SEPTIN9: variants seen among roughly 807,000 people sequenced by gnomAD.
SEPTIN9 encodes the protein septin-9.
SEPTIN9 carries 13 observed loss-of-function variants against 56.6 expected under a neutral mutation model. The ratio of observed to expected loss-of-function variants is 0.23; its 90% CI spans 0.15 to 0.37. The LOEUF is 0.37. Ranked by LOEUF, SEPTIN9 falls within the 10% of genes least tolerant of loss-of-function variation. SEPTIN9 has a pLI of 1.00. For synonymous variants in SEPTIN9, 332 were observed against 334.1 expected (o/e 0.99, Z 0.07); for missense variants, 650 against 823.1 (o/e 0.79, Z 2.57).
At chr17:77,324,005 T>C (rs1422259427) in intron 2 of SEPTIN9, among the ~76,000 whole-genome samples, 1 of 152,238 alleles carries the variant, frequency 6.6e-6, no homozygotes, top group Non-Finnish European at 1.5e-5. Flanking sequence ...GGCCTGGTTC[T>C]TTCCGGAGGC....
chr17:77,351,962 G>C (rs1379130077), intron 2 of SEPTIN9, among the ~76,000 whole-genome samples: 1 of 152,212 alleles, frequency 6.6e-6, no homozygotes, highest in East Asian at 1.9e-4. Context: ...CCAGAGCCGG[G>C]GTGAGCATCT....
intron 3 of SEPTIN9, among the ~76,000 whole-genome samples, chr17:77,444,147 T>C (rs2037650207): frequency 6.6e-6 from 1 of 152,092 alleles, no homozygotes; most frequent in Non-Finnish European, 1.5e-5. Context: ...GTAGGCTCCT[T>C]AGACAGGAGT....
intron 1 of SEPTIN9, among the ~76,000 whole-genome samples, chr17:77,286,030 C>T (rs2143486036): frequency 6.6e-6 from 1 of 152,396 alleles, no homozygotes; most frequent in East Asian, 1.9e-4. Context: ...CGTCTCCGCG[C>T]CTGTTCTCGC....
At position 77,425,928 on chromosome 17, in the gene SEPTIN9, G is replaced by A. The variant is rs962151255; in HGVS notation, c.721+23225G>A. On this transcript the variant is annotated intron_variant, in intron 3 of 11. Coordinates refer to ENST00000427177, the MANE Select transcript of SEPTIN9 (RefSeq NM_001113491.2). This position sits in a 1 kb window ranked among gnomAD's most constrained non-coding sequence, Gnocchi z 4.2. ...GAGGAGAGGCTGCTGTGCCGGCCCC[G>A]CAGGGCCCTGTGCAGAGGGGAGTGT... 2.0e-5 allele frequency among the ~76,000 whole-genome samples: 3 copies of A among 152,326 alleles called. No homozygotes were observed. The highest frequency in any genetic ancestry group is 7.2e-5 in the African/African-American group (3 of 41,578).
Position 77,475,469 on chromosome 17 carries a change from T to C in SEPTIN9, c.722-6675T>C. On this transcript the variant is annotated intron_variant, in intron 3 of 11. Coordinates refer to ENST00000427177, the MANE Select transcript of SEPTIN9 (RefSeq NM_001113491.2). The surrounding 1 kb of genome is among the most constrained non-coding windows in gnomAD (Gnocchi z 4.6). Reference sequence around the variant, plus strand: ...ACTCACTCAGCTTTAAGAAGCCCCTTTGTGGGGGACAGGGAGCATCTGTTA... The same window carrying C: ...ACTCACTCAGCTTTAAGAAGCCCCTCTGTGGGGGACAGGGAGCATCTGTTA... The C allele has an allele frequency of 6.4e-7, 1 of 1,572,672 alleles. No individual in the cohort carries two copies. The highest frequency in any genetic ancestry group is 8.6e-7 in the Non-Finnish European group (1 of 1,161,522).
chr17:77,468,196 C>T (rs1038270910), intron 3 of SEPTIN9, among the ~76,000 whole-genome samples: 9 of 152,158 alleles, frequency 5.9e-5, no homozygotes, highest in African/African-American at 1.7e-4. Context: ...ACCCGGGAGG[C>T]AGAGCTTGCA....
chr17:77,316,682 G>A (rs2032719374), intron 2 of SEPTIN9, among the ~76,000 whole-genome samples: 1 of 151,722 alleles, frequency 6.6e-6, no homozygotes, highest in African/African-American at 2.4e-5. Flanking sequence ...CTCGAGTGAG[G>A]TTAATGGGTT....
chr17:77,454,120 G>C, intron 3 of SEPTIN9: 1 of 985,858 alleles, frequency 1.0e-6, no homozygotes, highest in Non-Finnish European at 1.2e-6. Context: ...TAAGCTGTGG[G>C]GGCTCCTCCC....
chr17:77,369,349 G>A lies in SEPTIN9; in HGVS notation c.77-32710G>A, dbSNP rs185555764. Among the ~76,000 whole-genome samples, 8 of 152,288 alleles carry A rather than the reference G, an allele frequency of 5.3e-5. No homozygotes were observed. Among genetic ancestry groups the A allele is most frequent in the East Asian group, 1.9e-4 (1 of 5,182 alleles). ...TTGCTTTTGCTGGCCCCAGGTGGCC[G>A]GTTGTTGACCGTTAACTGGCACACT... On this transcript the variant is annotated intron_variant, in intron 2 of 11. Transcript: ENST00000427177. This position sits in a 1 kb window ranked among gnomAD's most constrained non-coding sequence, Gnocchi z 4.9.
At chr17:77,294,270 A>G (rs190796280) in intron 1 of SEPTIN9, among the ~76,000 whole-genome samples, 1 of 152,070 alleles carries the variant, frequency 6.6e-6, no homozygotes, top group East Asian at 1.9e-4. Context: ...AACATAAAAA[A>G]TTAGCCAGGT....
chr17:77,386,966 C>T (rs2035358543), intron 2 of SEPTIN9, among the ~76,000 whole-genome samples: 2 of 152,214 alleles, frequency 1.3e-5, no homozygotes, highest in Admixed American at 6.5e-5. Flanking sequence ...ACCACACAGG[C>T]ACTGAAGGTT....
chr17:77,440,601 C>T (rs919569427), intron 3 of SEPTIN9, among the ~76,000 whole-genome samples: 4 of 152,244 alleles, frequency 2.6e-5, no homozygotes, highest in African/African-American at 7.2e-5. Context: ...GCGTCCCAAG[C>T]GGACAGCTGC....
At chr17:77,466,524 G>A in intron 3 of SEPTIN9, 1 of 985,444 alleles carries the variant, frequency 1.0e-6, no homozygotes, top group Non-Finnish European at 1.2e-6. Flanking sequence ...GGAAGAAGCG[G>A]GCATTTCTTC....
intron 3 of SEPTIN9, among the ~76,000 whole-genome samples, chr17:77,455,153 T>C (rs561918484): frequency 6.6e-6 from 1 of 152,190 alleles, no homozygotes; most frequent in African/African-American, 2.4e-5. Flanking sequence ...GCACTCCAGA[T>C]TTGTCACTTT....
intron 2 of SEPTIN9, among the ~76,000 whole-genome samples, chr17:77,377,392 T>A (rs76315667): frequency 2.0e-3 from 301 of 152,254 alleles, no homozygotes; most frequent in African/African-American, 6.8e-3. Flanking sequence ...AACTCGGGTC[T>A]TTGTGTAACA....
chr17:77,409,291 A>G (rs553280532), intron 3 of SEPTIN9, among the ~76,000 whole-genome samples: 1 of 57,826 alleles, frequency 1.7e-5, no homozygotes, highest in Non-Finnish European at 4.1e-5. Context: ...GGGAACAGGA[A>G]TCAATGCGGG....
At chr17:77,439,383 C>T (rs552961909) in intron 3 of SEPTIN9, among the ~76,000 whole-genome samples, 3 of 152,236 alleles carry the variant, frequency 2.0e-5, no homozygotes, top group Non-Finnish European at 4.4e-5. Context: ...CCCCAGGGAC[C>T]AGAGGACACT....
In SEPTIN9 at chr17:77,490,778, G is replaced by A. The variant is rs778222890; in HGVS notation, c.1299G>A (p.Leu433=). 20 of 1,590,252 alleles carry A rather than the reference G, an allele frequency of 1.3e-5. No individual in the cohort carries two copies. In the South Asian group the frequency reaches 2.1e-4, roughly 16 times the overall value. The change falls in exon 8 of 12, where the codon CTG becomes CTA. Residue 433 remains leucine (L), a synonymous_variant. Coordinates refer to ENST00000427177, the MANE Select transcript of SEPTIN9 (RefSeq NM_001113491.2). ...RPLDIEFMKR[L]SKVVNIVPVI... ...TGGACATCGAGTTTATGAAACGCCTGAGCAAGGTGGTCAACATCGTCCCTG... is the reference window on the plus strand; with the variant it reads ...TGGACATCGAGTTTATGAAACGCCTAAGCAAGGTGGTCAACATCGTCCCTG...
Position 77,492,771 on chromosome 17 carries a change from G to A in SEPTIN9, c.1476+55G>A. On this transcript the variant is annotated intron_variant, in intron 9 of 11. Transcript: ENST00000427177. The surrounding 1 kb of genome is among the most constrained non-coding windows in gnomAD (Gnocchi z 5.4). ...AGGGGACCCCCAGTTCCTGCTGAAGGGTGGGTTGGGGGTTTGGAGGACCTT... is the reference window on the plus strand; with the variant it reads ...AGGGGACCCCCAGTTCCTGCTGAAGAGTGGGTTGGGGGTTTGGAGGACCTT... 2 of 1,512,666 alleles carry A rather than the reference G, an allele frequency of 1.3e-6. No homozygotes were observed. Among genetic ancestry groups the A allele is most frequent in the Non-Finnish European group, 9.2e-7 (1 of 1,087,694 alleles). The allele number at this position is 1,512,666 out of a possible 1,614,324, so 93.7% of individuals were successfully genotyped here.
Sources: gnomAD v4.1 joint callset for allele counts (sites outside exome capture counted in the v4.1 genomes callset) on GRCh38, gnomAD v4.1.1 for gene constraint, Gnocchi (gnomAD v3.1) non-coding constraint, MANE v1.5 for transcripts, NCBI Gene and HGNC (gene_info 2026-07-23, HGNC 2026-07-21) for gene names.